Variants in GRIK5 observed in about 807,000 individuals in gnomAD.
GRIK5 encodes glutamate ionotropic receptor kainate type subunit 5, also known as glutamate receptor ionotropic, kainate 5.
GRIK5 carries 43 observed loss-of-function variants against 97.4 expected under a neutral mutation model. The ratio of observed to expected loss-of-function variants is 0.44; its 90% CI spans 0.35 to 0.57. The LOEUF is 0.57. GRIK5 is among the 20% of genes least tolerant of loss of function. The probability of loss-of-function intolerance (pLI) is 0.01; values close to 1 mark genes in which losing one functional copy is unlikely to be tolerated. For synonymous variants in GRIK5, 580 were observed against 583.5 expected, an observed-to-expected ratio of 0.99 and a Z score of 0.09; for missense variants, 1,015 against 1,382.0, an observed-to-expected ratio of 0.73 and a Z score of 4.21.
chr19:42,068,353 C>T (rs904470358), intron 1 of GRIK5: 11 of 168,470 alleles, frequency 6.5e-5, no homozygotes, highest in Non-Finnish European at 1.1e-4. Context: ...AGCCCCCAGA[C>T]ATGGAGAGGA....
intron 1 of GRIK5, chr19:42,068,898 GC>G: frequency 1.5e-6 from 1 of 686,270 alleles, no homozygotes; most frequent in Non-Finnish European, 2.7e-6. Flanking sequence ...AACAGAAAGA[GC>G]CAGTCTGGGA....
chr19:42,017,336 A>G (rs1218772662), intron 15 of GRIK5, among the ~76,000 whole-genome samples: 1 of 152,250 alleles, frequency 6.6e-6, no homozygotes, highest in African/African-American at 2.4e-5. Flanking sequence ...GTGTATTGCC[A>G]TAATATTATT....
At chr19:42,036,168 T>C (rs1164095336) in intron 12 of GRIK5, among the ~76,000 whole-genome samples, 1 of 151,996 alleles carries the variant, frequency 6.6e-6, no homozygotes, top group Non-Finnish European at 1.5e-5. Context: ...CAAGCGATTC[T>C]CCTGCCTCAG....
intron 12 of GRIK5, among the ~76,000 whole-genome samples, chr19:42,041,912 A>G (rs568351499): frequency 1.2e-4 from 19 of 152,092 alleles, no homozygotes; most frequent in Admixed American, 5.9e-4. Context: ...GAGCTCCCCA[A>G]TCACAGCCCA....
In GRIK5 at chr19:42,022,603, A is replaced by G. The variant is rs1414099021; in HGVS notation, c.1474-249T>C. 2 of 984,860 alleles carry G rather than the reference A, an allele frequency of 2.0e-6. No individual in the cohort carries two copies. The highest frequency in any genetic ancestry group is 3.5e-5 in the African/African-American group (2 of 57,118). 61.0% of individuals were successfully genotyped at this position (984,860 alleles called of 1,614,324 possible). ...CACTGACTCCGTCCCCTAGGCCTCA[A>G]CTGTGTCCCAGCATCAAGGGCTGGG... On this transcript the variant is annotated intron_variant, in intron 12 of 19. Transcript: ENST00000593562. The surrounding 1 kb of genome is among the most constrained non-coding windows in gnomAD (Gnocchi z 4.2).
intron 12 of GRIK5, among the ~76,000 whole-genome samples, chr19:42,024,316 A>T (rs894051703): frequency 2.7e-5 from 4 of 150,450 alleles, no homozygotes; most frequent in African/African-American, 9.8e-5. Context: ...GGGTTCAAGC[A>T]ATTCTCCTGC....
intron 7 of GRIK5, 47 bp downstream of exon 7, chr19:42,056,878 T>A: frequency 6.2e-7 from 1 of 1,611,828 alleles, no homozygotes; most frequent in Non-Finnish European, 8.5e-7. Context: ...GGGACAGCTG[T>A]GATGGGAAGG....
rs533128618 is a variant in GRIK5 at position 42,059,459 on chromosome 19, A to G, written c.577T>C (p.Leu193=). ...ISKETLSVRM[L]DDSRDPTPLL... ...GGTGTGGGGTCCCGGCTGTCGTCCAACATCCTCACTGACAGCGTCTCCTTG... is the reference window on the plus strand; with the variant it reads ...GGTGTGGGGTCCCGGCTGTCGTCCAGCATCCTCACTGACAGCGTCTCCTTG... Residue 193 remains leucine (L), a synonymous_variant, in exon 6 of 20, where the codon TTG becomes CTG. Transcript: ENST00000593562. 1.4e-5 allele frequency: 23 copies of G among 1,613,894 alleles called. No individual in the cohort carries two copies. Among genetic ancestry groups the G allele is most frequent in the African/African-American group, 1.2e-4 (9 of 74,982 alleles).
In GRIK5 at chr19:42,022,088, C is replaced by A. The variant is rs766627997; in HGVS notation, c.1588-32G>T. ...GGAGAGGGAGTGAGACCCGGAGACACCCCTGGCCTGAGCCTCACACCCAGC... is the reference window on the plus strand; with the variant it reads ...GGAGAGGGAGTGAGACCCGGAGACAACCCTGGCCTGAGCCTCACACCCAGC... On this transcript the variant is annotated intron_variant, in intron 13 of 19. Transcript: ENST00000593562. This position sits in a 1 kb window ranked among gnomAD's most constrained non-coding sequence, Gnocchi z 4.2. The A allele has an allele frequency of 2.6e-6, 4 of 1,528,538 alleles. No homozygotes were observed. Among genetic ancestry groups the A allele is most frequent in the African/African-American group, 2.7e-5 (2 of 73,030 alleles). 94.7% of individuals were successfully genotyped at this position (1,528,538 alleles called of 1,614,324 possible). A position where few individuals can be genotyped will look rare whatever the true frequency, so the allele number is the denominator to read the frequency against.
At chr19:42,061,727 A>C (rs1484034484) in intron 5 of GRIK5, among the ~76,000 whole-genome samples, 1 of 151,598 alleles carries the variant, frequency 6.6e-6, no homozygotes, top group Non-Finnish European at 1.5e-5. Flanking sequence ...CCTCATTCCA[A>C]CTGCCACCAC....
intron 6 of GRIK5, among the ~76,000 whole-genome samples, chr19:42,058,838 A>AG: frequency 6.6e-6 from 1 of 152,050 alleles, no homozygotes; most frequent in East Asian, 1.9e-4. Flanking sequence ...AAAAAAAAAA[A>AG]AAGAAAAAAG....
At position 42,042,767 on chromosome 19, in the gene GRIK5, G is replaced by T; in HGVS notation, c.1270-12C>A. ...ACGTATGGGTTCTCCTGGGTGGGCAGAAGAAAGCAGGGGTCAGAGGCTGGG... is the reference window on the plus strand; with the variant it reads ...ACGTATGGGTTCTCCTGGGTGGGCATAAGAAAGCAGGGGTCAGAGGCTGGG... On this transcript the variant is annotated splice_polypyrimidine_tract_variant and intron_variant, in intron 11 of 19. Transcript: ENST00000593562. The surrounding 1 kb of genome is among the most constrained non-coding windows in gnomAD (Gnocchi z 6.9). 6.2e-7 allele frequency: 1 copy of T among 1,607,338 alleles called. No homozygotes were observed. Among genetic ancestry groups the T allele is most frequent in the Non-Finnish European group, 8.5e-7 (1 of 1,175,632 alleles).
chr19:42,014,175 C>A (rs1203634311), intron 15 of GRIK5, among the ~76,000 whole-genome samples: 3 of 151,938 alleles, frequency 2.0e-5, no homozygotes, highest in Non-Finnish European at 2.9e-5. Flanking sequence ...GGGTGGATTG[C>A]CTGAGCTCCA....
Position 42,022,339 on chromosome 19 carries a change from C to A in GRIK5, c.1489G>T (p.Val497Leu). 6.2e-7 allele frequency: 1 copy of A among 1,613,778 alleles called. No individual in the cohort carries two copies. Among genetic ancestry groups the A allele is most frequent in the Non-Finnish European group, 8.5e-7 (1 of 1,179,818 alleles). The part of the protein sequence containing the change: ...ELINRKADLA[V>L]AAFTITAERE... Reference sequence around the variant, plus strand: ...TCAGCTGTGATGGTGAAGGCGGCCACAGCCAGGTCTGCCTTCTGCTGGAGG... The same window carrying A: ...TCAGCTGTGATGGTGAAGGCGGCCAAAGCCAGGTCTGCCTTCTGCTGGAGG... Residue 497 changes from valine to leucine, a missense_variant, in exon 13 of 20, where the codon GTG becomes TTG. Val to Leu is a conservative substitution (Grantham distance 32). Transcript: ENST00000593562. This position sits in a 1 kb window ranked among gnomAD's most constrained non-coding sequence, Gnocchi z 4.2.
At chr19:42,058,288 C>G (rs956295726) in intron 6 of GRIK5, among the ~76,000 whole-genome samples, 4 of 151,980 alleles carry the variant, frequency 2.6e-5, no homozygotes, top group African/African-American at 9.7e-5. Context: ...TCAAGTGATT[C>G]TCCTGCCTCA....
intron 15 of GRIK5, among the ~76,000 whole-genome samples, chr19:42,018,581 C>CCCG (rs2075656197): frequency 7.0e-6 from 1 of 142,934 alleles, no homozygotes; most frequent in African/African-American, 2.7e-5. Flanking sequence ...ATCACTTGAT[C>CCCG]CCGGGAGGTG....
intron 15 of GRIK5, among the ~76,000 whole-genome samples, chr19:42,016,117 T>C (rs765422290): frequency 1.5e-4 from 23 of 152,156 alleles, no homozygotes; most frequent in Non-Finnish European, 3.2e-4. Flanking sequence ...AATGCTGCCA[T>C]TCATGCAAAA....
intron 8 of GRIK5, among the ~76,000 whole-genome samples, chr19:42,055,677 T>C (rs1399434285): frequency 1.3e-5 from 2 of 151,946 alleles, no homozygotes; most frequent in East Asian, 3.9e-4. Flanking sequence ...AAATAGGTAG[T>C]TTACCTTTTT....
In GRIK5 at chr19:42,070,154, A is replaced by AG. The variant is rs1218711540; in HGVS notation, c.-965dup. ...CCGCCACCGCTCAGTCTCCCCTCCG[A>AG]GGCCGCCGCCTGCCTGCCCGCCTGC... On this transcript the variant is annotated 5_prime_UTR_variant, in exon 1 of 20. Transcript: ENST00000593562. 2.0e-5 allele frequency among the ~76,000 whole-genome samples: 3 copies of AG among 151,958 alleles called. No individual in the cohort carries two copies. Among genetic ancestry groups the AG allele is most frequent in the Admixed American group, 1.3e-4 (2 of 15,298 alleles).
Sources: gnomAD v4.1 joint callset for allele counts (sites outside exome capture counted in the v4.1 genomes callset) on GRCh38, gnomAD v4.1.1 for gene constraint, Gnocchi (gnomAD v3.1) non-coding constraint, MANE v1.5 for transcripts, NCBI Gene and HGNC (gene_info 2026-07-23, HGNC 2026-07-21) for gene names.